The following CNTNAP3B variants were observed in gnomAD, a reference collection of about 807,000 sequenced individuals.
CNTNAP3B encodes contactin associated protein family member 3B.
Under a neutral mutation model 108.9 loss-of-function variants are expected in CNTNAP3B, and 25 were observed. The observed-to-expected ratio is 0.23, with a 90% CI of 0.17 to 0.32. CNTNAP3B has a LOEUF of 0.32. Ranked by LOEUF, CNTNAP3B falls within the 10% of genes least tolerant of loss-of-function variation. CNTNAP3B has a pLI of 1.00. For missense variants in CNTNAP3B, 252 were observed against 1,210.4 expected (o/e 0.21, Z 11.75); for synonymous variants, 103 against 473.4 (o/e 0.22, Z 10.16).
In CNTNAP3B at chr9:41,928,124, C is replaced by G. The variant is rs1823870397; in HGVS notation, c.2365+1193G>C. ...TGAAGGATAACATATCTGTCAAGAG[C>G]TGTGAAGAATCTGAGATTTCACCCT... On this transcript the variant is annotated intron_variant, in intron 15 of 23. Transcript: ENST00000377561. 5.3e-5 allele frequency among the ~76,000 whole-genome samples: 8 copies of G among 152,372 alleles called. No individual in the cohort carries two copies. In the South Asian group the frequency reaches 1.7e-3, roughly 32 times the overall value.
At chr9:42,104,549 T>G in intron 2 of CNTNAP3B, 80 bp downstream of exon 2, 1 of 844,906 alleles carries the variant, frequency 1.2e-6, no homozygotes. Flanking sequence ...TGCAAAGTAT[T>G]AATCAATTAT....
At position 42,112,868 on chromosome 9, in the gene CNTNAP3B, G is replaced by GTTTTT. The variant is rs61267342; in HGVS notation, c.86-8134_86-8130dup. On this transcript the variant is annotated intron_variant, in intron 1 of 23. Coordinates refer to ENST00000377561, the MANE Select transcript of CNTNAP3B (RefSeq NM_001201380.3). ...GAAGACCTAGAGGAAAGTTTACAGAGTTTTTTTTTTTTTTTTTTTGAGACG... is the reference window on the plus strand; with the variant it reads ...GAAGACCTAGAGGAAAGTTTACAGAGTTTTTTTTTTTTTTTTTTTTTTTTGAGACG... 1.0e-4 allele frequency among the ~76,000 whole-genome samples: 10 copies of GTTTTT among 95,502 alleles called. 3 individuals carry two copies. The East Asian group carries it at 1.1e-3, about 11-fold the overall frequency. 62.7% of individuals were successfully genotyped at this position (95,502 alleles called of 152,430 possible).
chr9:41,962,954 CA>C, intron 11 of CNTNAP3B, among the ~76,000 whole-genome samples: 1 of 149,838 alleles, frequency 6.7e-6, no homozygotes, highest in Middle Eastern at 3.4e-3. Flanking sequence ...GACTCCGTCT[CA>C]AAAAACAAAA....
chr9:41,928,456 A>T (rs71218067), intron 15 of CNTNAP3B, among the ~76,000 whole-genome samples: 14 of 151,110 alleles, frequency 9.3e-5, no homozygotes, highest in Non-Finnish European at 1.5e-4. Context: ...GAGTGAGTAC[A>T]CATCGATAGT....
At chr9:41,916,079 A>T (rs1315838059) in intron 18 of CNTNAP3B, among the ~76,000 whole-genome samples, 1 of 149,300 alleles carries the variant, frequency 6.7e-6, no homozygotes, top group Non-Finnish European at 1.5e-5. Flanking sequence ...TTTTTAAAAA[A>T]TCTGAGAAAA....
chr9:42,056,693 C>T lies in CNTNAP3B; in HGVS notation c.390+20176G>A, dbSNP rs1452027791. Among the ~76,000 whole-genome samples the T allele has an allele frequency of 4.4e-5, 6 of 135,082 alleles. 2 individuals carry two copies. Among genetic ancestry groups the T allele is most frequent in the Non-Finnish European group, 9.4e-5 (6 of 64,064 alleles). The allele number at this position is 135,082 out of a possible 152,430, so 88.6% of individuals were successfully genotyped here. ...TACTATTTTTTCTTCATGTGGAATGCTTATCAATCCTTCTCAATTTTACAT... is the reference window on the plus strand; with the variant it reads ...TACTATTTTTTCTTCATGTGGAATGTTTATCAATCCTTCTCAATTTTACAT... On this transcript the variant is annotated intron_variant, in intron 3 of 23. Coordinates refer to ENST00000377561, the MANE Select transcript of CNTNAP3B (RefSeq NM_001201380.3).
At chr9:42,113,632 G>T (rs1233561617) in intron 1 of CNTNAP3B, among the ~76,000 whole-genome samples, 1 of 139,792 alleles carries the variant, frequency 7.2e-6, no homozygotes, top group Non-Finnish European at 1.5e-5. Context: ...ACAGCTGTGG[G>T]AATATAAGTG....
At chr9:42,124,561 C>T (rs1348811438) in intron 1 of CNTNAP3B, among the ~76,000 whole-genome samples, 1 of 126,280 alleles carries the variant, frequency 7.9e-6, no homozygotes, top group Non-Finnish European at 1.6e-5. Flanking sequence ...CATGTACAAC[C>T]AAGCGTTTGC....
intron 3 of CNTNAP3B, among the ~76,000 whole-genome samples, chr9:42,042,379 G>A (rs1414285422): frequency 4.4e-5 from 6 of 136,886 alleles, no homozygotes; most frequent in African/African-American, 1.2e-4. Flanking sequence ...TAAGATTTAC[G>A]CTTACTTATC....
Position 42,066,388 on chromosome 9 carries a change from C to CAA in CNTNAP3B, c.390+10479_390+10480dup, listed in dbSNP as rs376475436. ...TATTTCTGATTATTAAATTAATTTC[C>CAA]AAAAAAAAGTATTAAAAAATGTGAG... On this transcript the variant is annotated intron_variant, in intron 3 of 23. Transcript: ENST00000377561. Among the ~76,000 whole-genome samples, 4 of 91,870 alleles carry CAA rather than the reference C, an allele frequency of 4.4e-5. 1 individual carries two copies. The highest frequency in any genetic ancestry group is 1.3e-4 in the African/African-American group (3 of 23,768). The allele number at this position is 91,870 out of a possible 152,430, so 60.3% of individuals were successfully genotyped here. A position where few individuals can be genotyped will look rare whatever the true frequency, so the allele number is the denominator to read the frequency against.
At chr9:41,964,745 A>T in intron 10 of CNTNAP3B, 101 bp from the exon 11 acceptor site, 2 of 1,473,052 alleles carry the variant, frequency 1.4e-6, no homozygotes, top group Non-Finnish European at 1.8e-6. Flanking sequence ...CATACGCAAG[A>T]TAACCCCACA....
At chr9:42,116,825 G>A (rs1221664622) in intron 1 of CNTNAP3B, among the ~76,000 whole-genome samples, 1 of 137,688 alleles carries the variant, frequency 7.3e-6, no homozygotes, top group Non-Finnish European at 1.5e-5. Flanking sequence ...AGGTATGGAG[G>A]AAGGTCTGCC....
At chr9:41,960,976 A>G in intron 11 of CNTNAP3B, 84 bp from the exon 12 acceptor site, 1 of 1,510,678 alleles carries the variant, frequency 6.6e-7, no homozygotes, top group Non-Finnish European at 8.8e-7. Flanking sequence ...TTTCTGAATT[A>G]CAGACATGTG....
chr9:42,119,912 T>A (rs1828419992), intron 1 of CNTNAP3B, among the ~76,000 whole-genome samples: 1 of 140,062 alleles, frequency 7.1e-6, no homozygotes, highest in African/African-American at 2.8e-5. Context: ...GACACAGTCA[T>A]GGGCAAGGAC....
Position 42,017,073 on chromosome 9 carries a change from A to G in CNTNAP3B, c.391-3548T>C, listed in dbSNP as rs1311941971. Among the ~76,000 whole-genome samples the G allele has an allele frequency of 2.0e-5, 3 of 149,098 alleles. No individual in the cohort carries two copies. The East Asian group carries it at 5.9e-4, about 29-fold the overall frequency. ...TTCAGATAAAATGATCAGTTTTCAT[A>G]ACATGTTCCTTAGGTATACATGAAA... On this transcript the variant is annotated intron_variant, in intron 3 of 23. Coordinates refer to ENST00000377561, the MANE Select transcript of CNTNAP3B (RefSeq NM_001201380.3).
At chr9:41,950,646 T>C (rs1380783845) in intron 13 of CNTNAP3B, among the ~76,000 whole-genome samples, 3 of 150,354 alleles carry the variant, frequency 2.0e-5, no homozygotes, top group East Asian at 2.0e-4. Context: ...GTACATACTA[T>C]ATAATTTCAT....
intron 1 of CNTNAP3B, among the ~76,000 whole-genome samples, chr9:42,116,559 C>A (rs1358492065): frequency 7.2e-6 from 1 of 137,982 alleles, no homozygotes; most frequent in Admixed American, 7.2e-5. Flanking sequence ...GTACCAGCCA[C>A]TGCAAAAACA....
chr9:41,953,506 C>G (rs549881822), intron 12 of CNTNAP3B, 120 bp from the exon 13 acceptor site: 10 of 1,227,732 alleles, frequency 8.1e-6, no homozygotes, highest in Non-Finnish European at 1.1e-5. Flanking sequence ...GCATGTTTGC[C>G]GCGATTTGAG....
At chr9:42,095,185 C>T (rs1827875326) in intron 2 of CNTNAP3B, among the ~76,000 whole-genome samples, 1 of 138,590 alleles carries the variant, frequency 7.2e-6, no homozygotes, top group African/African-American at 2.9e-5. Context: ...TCCACCTTCT[C>T]CTCTAGCGTC....
Sources: allele counts gnomAD v4.1 joint callset (sites outside exome capture counted in the v4.1 genomes callset), GRCh38; gene constraint gnomAD v4.1.1; transcripts MANE v1.5; gene names NCBI Gene and HGNC (gene_info 2026-07-23, HGNC 2026-07-21).